RHBDF2: variants seen among roughly 807,000 people sequenced by gnomAD.
RHBDF2 encodes the protein rhomboid 5 homolog 2, also known as inactive rhomboid protein 2.
A neutral mutation model predicts 95.2 loss-of-function variants in RHBDF2; 38 were observed. The ratio of observed to expected loss-of-function variants is 0.40; its 90% CI spans 0.31 to 0.52. The LOEUF (loss-of-function observed/expected upper bound fraction) is 0.52, where lower values mean the gene tolerates loss of function less well. Ranked by LOEUF, RHBDF2 falls within the 20% of genes least tolerant of loss-of-function variation. The pLI, the probability that RHBDF2 is intolerant of heterozygous loss-of-function variation, is 0.56. For missense variants in RHBDF2, 863 were observed against 1,137.7 expected (o/e 0.76, Z 3.47); for synonymous variants, 442 against 462.0 (o/e 0.96, Z 0.55).
chr17:76,498,225 G>C (rs1379718697), intron 1 of RHBDF2, among the ~76,000 whole-genome samples: 1 of 152,112 alleles, frequency 6.6e-6, no homozygotes, highest in African/African-American at 2.4e-5. Context: ...GCCTGTACTT[G>C]GGCAGGCGCA....
chr17:76,490,125 C>T (rs1325928676), intron 1 of RHBDF2, among the ~76,000 whole-genome samples: 1 of 152,226 alleles, frequency 6.6e-6, no homozygotes, highest in African/African-American at 2.4e-5. Flanking sequence ...GAGCAATGTT[C>T]CTTGACCCCC....
At chr17:76,494,550 T>G (rs2074387884) in intron 1 of RHBDF2, among the ~76,000 whole-genome samples, 1 of 152,088 alleles carries the variant, frequency 6.6e-6, no homozygotes, top group Admixed American at 6.5e-5. Context: ...TCAGGAGTTC[T>G]AGACTAGCCT....
intron 1 of RHBDF2, among the ~76,000 whole-genome samples, chr17:76,494,910 G>T (rs1209700888): frequency 2.0e-5 from 3 of 152,182 alleles, no homozygotes; most frequent in Non-Finnish European, 2.9e-5. Flanking sequence ...AGGGAAGGGG[G>T]CACGCACAGC....
Position 76,494,747 on chromosome 17 carries a change from A to G in RHBDF2, c.-220+6606T>C, listed in dbSNP as rs544279162. ...AGCCTGGGCGACAGAGCAAGACTCC[A>G]TCTCAAAAAACACACAGACAAAATA... On this transcript the variant is annotated intron_variant, in intron 1 of 18. Coordinates refer to ENST00000675367, the MANE Select transcript of RHBDF2 (RefSeq NM_001005498.4). Among the ~76,000 whole-genome samples, 8 of 152,230 alleles carry G rather than the reference A, an allele frequency of 5.3e-5. No homozygotes were observed. In the East Asian group the frequency reaches 1.5e-3, roughly 29 times the overall value.
intron 1 of RHBDF2, among the ~76,000 whole-genome samples, chr17:76,491,599 C>T (rs1317830676): frequency 1.3e-5 from 2 of 152,236 alleles, no homozygotes; most frequent in African/African-American, 4.8e-5. Flanking sequence ...CCTCTGGCCT[C>T]AGTTCCCTTC....
At chr17:76,485,588 C>T (rs904411020) in intron 2 of RHBDF2, among the ~76,000 whole-genome samples, 2 of 152,096 alleles carry the variant, frequency 1.3e-5, no homozygotes, top group Middle Eastern at 3.4e-3. Flanking sequence ...AGTGAGACTC[C>T]GTCTCAAACA....
chr17:76,474,526 C>T lies in RHBDF2; in HGVS notation c.1311G>A (p.Leu437=), dbSNP rs372253048. The T allele has an allele frequency of 6.2e-7, 1 of 1,613,994 alleles. No homozygotes were observed. Among genetic ancestry groups the T allele is most frequent in the Non-Finnish European group, 8.5e-7 (1 of 1,179,998 alleles). The change falls in exon 12 of 19, where the codon CTG becomes CTA. Residue 437 remains leucine (L), a synonymous_variant. Transcript: ENST00000675367. Reference sequence around the variant, plus strand: ...GTGAGAACTTGGCCCCCAGGTGGATCAGGTCAATCTGGGGAAGGGAAAGGG... The same window carrying T: ...GTGAGAACTTGGCCCCCAGGTGGATTAGGTCAATCTGGGGAAGGGAAAGGG... ...NFWVGPSSID[L]IHLGAKFSPC...
chr17:76,474,272 C>T (rs1465744630), intron 12 of RHBDF2, 101 bp downstream of exon 12: 52 of 1,407,024 alleles, frequency 3.7e-5, no homozygotes, highest in South Asian at 3.0e-4. Context: ...AAAGGTGGGG[C>T]GGGGAGGAGG....
In RHBDF2 at chr17:76,477,202, G is replaced by A. The variant is rs1219455540; in HGVS notation, c.898C>T (p.Pro300Ser). ...CACAGAGGGATTTGCACCCCATCGG[G>A]GGAGACAGGGGAGGCTGAGTGTGGG... ...GIPHSASPVSPDGVQIPLKEY... is the reference protein window; with the variant it reads ...GIPHSASPVSSDGVQIPLKEY... Residue 300 changes from proline (P) to serine (S), a missense_variant, in exon 8 of 19, where the codon CCC becomes TCC. Physicochemically the swap from Pro to Ser is moderately conservative, Grantham distance 74. Coordinates refer to ENST00000675367, the MANE Select transcript of RHBDF2 (RefSeq NM_001005498.4). The A allele has an allele frequency of 1.2e-6, 2 of 1,610,768 alleles. No individual in the cohort carries two copies. Among genetic ancestry groups the A allele is most frequent in the Non-Finnish European group, 1.7e-6 (2 of 1,179,002 alleles).
At chr17:76,491,799 G>A (rs1019283316) in intron 1 of RHBDF2, among the ~76,000 whole-genome samples, 2 of 152,158 alleles carry the variant, frequency 1.3e-5, no homozygotes, top group Admixed American at 6.5e-5. Context: ...AAAGGAGTGG[G>A]GACTGTCAGA....
chr17:76,500,986 G>T (rs1350971101), intron 1 of RHBDF2: 1 of 152,436 alleles, frequency 6.6e-6, no homozygotes, highest in Admixed American at 6.5e-5. Flanking sequence ...GCACTTCTGG[G>T]ACGCAGGCGG....
chr17:76,485,616 G>T (rs1400077600), intron 2 of RHBDF2, among the ~76,000 whole-genome samples: 1 of 152,096 alleles, frequency 6.6e-6, no homozygotes, highest in Admixed American at 6.6e-5. Flanking sequence ...AAAATGAGCA[G>T]ATGGCTTCAC....
At chr17:76,474,570 G>C in intron 11 of RHBDF2, 36 bp from the exon 12 acceptor site, 1 of 1,612,836 alleles carries the variant, frequency 6.2e-7, no homozygotes, top group Non-Finnish European at 8.5e-7. Flanking sequence ...GAGTGAGTTT[G>C]AGCCCCAGAC....
At chr17:76,489,912 T>C (rs1431229941) in intron 1 of RHBDF2, among the ~76,000 whole-genome samples, 1 of 151,942 alleles carries the variant, frequency 6.6e-6, no homozygotes, top group Non-Finnish European at 1.5e-5. Context: ...GCCTGGAGGC[T>C]CCTAGGGGAC....
chr17:76,477,083 C>G (rs746189917), intron 8 of RHBDF2, 59 bp from the exon 9 acceptor site: 11 of 1,611,342 alleles, frequency 6.8e-6, no homozygotes, highest in African/African-American at 2.7e-5. Flanking sequence ...CAGACCCCAC[C>G]AGGGTGCTCA....
chr17:76,490,768 C>T (rs1598161630), intron 1 of RHBDF2, among the ~76,000 whole-genome samples: 1 of 152,346 alleles, frequency 6.6e-6, no homozygotes, highest in East Asian at 1.9e-4. Flanking sequence ...CTCACCTCCT[C>T]TCATCTGAAG....
chr17:76,479,325 G>C, intron 4 of RHBDF2, 48 bp from the exon 5 acceptor site: 2 of 1,548,786 alleles, frequency 1.3e-6, no homozygotes, highest in Non-Finnish European at 1.7e-6. Context: ...GTCTACGCCT[G>C]TGCACCTGAG....
chr17:76,478,997 G>T lies in RHBDF2; in HGVS notation c.481C>A (p.Leu161Met). Residue 161 changes from leucine to methionine, a missense_variant, in exon 6 of 19, where the codon CTG becomes ATG. By Grantham distance (15) the Leu-to-Met change is conservative. This residue lies in a region of RHBDF2 where 611 missense variants were observed against 725.5 expected (regional missense o/e 0.84). Coordinates refer to ENST00000675367, the MANE Select transcript of RHBDF2 (RefSeq NM_001005498.4). ...TGGCGGAAGGCCCGGCCCCGGGCCA[G>T]CGGATCCACAATCTGGAAGGGAGGG... ...PCKMPKIVDP[L>M]ARGRAFRHPE... The T allele has an allele frequency of 6.3e-7, 1 of 1,599,478 alleles. No individual in the cohort carries two copies. Among genetic ancestry groups the T allele is most frequent in the East Asian group, 2.2e-5 (1 of 44,680 alleles).
rs976567846 is a variant in RHBDF2, at chr17:76,501,397, C to T, written c.-264G>A. 8 of 152,316 alleles carry T rather than the reference C, an allele frequency of 5.3e-5. No homozygotes were observed. The highest frequency in any genetic ancestry group is 9.7e-5 in the African/African-American group (4 of 41,428). 9.4% of individuals were successfully genotyped at this position (152,316 alleles called of 1,614,324 possible). The stretch of plus-strand genomic sequence containing the variant: ...CCCGGGACGCAACTCCGTGCGGCGC[C>T]TGCGAGCGGCTGGGCGGTGGCTCCT... On this transcript the variant is annotated 5_prime_UTR_variant, in exon 1 of 19. Transcript: ENST00000675367.
Sources: gnomAD v4.1 joint callset for allele counts (sites outside exome capture counted in the v4.1 genomes callset) on GRCh38, gnomAD v4.1.1 for gene constraint, gnomAD v4.1.1 regional missense constraint, MANE v1.5 for transcripts, NCBI Gene and HGNC (gene_info 2026-07-23, HGNC 2026-07-21) for gene names.